The following CSMD1 variants were observed in gnomAD, a reference collection of about 807,000 sequenced individuals.
CSMD1 encodes CUB and Sushi multiple domains 1.
In CSMD1, 213 loss-of-function variants were observed where a neutral mutation model predicts 417.5. The observed-to-expected ratio is 0.51, with a 90% CI of 0.46 to 0.57. CSMD1 has a LOEUF of 0.57. Ranked by LOEUF, CSMD1 falls within the 20% of genes least tolerant of loss-of-function variation. The pLI, the probability that CSMD1 is intolerant of heterozygous loss-of-function variation, is 0.00. For missense variants in CSMD1, 6,923 were observed against 4,529.7 expected (o/e 1.53, Z -15.17); for synonymous variants, 2,862 against 1,736.8 (o/e 1.65, Z -16.11).
At chr8:3,587,047 G>A (rs1355395483) in intron 8 of CSMD1, among the ~76,000 whole-genome samples, 1 of 152,166 alleles carries the variant, frequency 6.6e-6, no homozygotes, top group African/African-American at 2.4e-5. Context: ...TGATTCACCT[G>A]CCTCAGCCTC....
chr8:3,982,784 G>A (rs996129061), intron 5 of CSMD1, among the ~76,000 whole-genome samples: 4 of 152,122 alleles, frequency 2.6e-5, no homozygotes, highest in South Asian at 2.1e-4. Flanking sequence ...GGGCCAGAAC[G>A]AGGGCAAGAA....
intron 5 of CSMD1, among the ~76,000 whole-genome samples, chr8:3,825,889 G>C (rs1047997077): frequency 3.3e-5 from 5 of 152,230 alleles, no homozygotes; most frequent in South Asian, 2.1e-4. Flanking sequence ...AGAAACCAAG[G>C]TATCATGACA....
At chr8:3,094,019 A>T (rs527679356) in intron 47 of CSMD1, among the ~76,000 whole-genome samples, 2 of 152,250 alleles carry the variant, frequency 1.3e-5, no homozygotes, top group African/African-American at 4.8e-5. Context: ...AAATTAATTA[A>T]CCTGAATTTA....
intron 5 of CSMD1, among the ~76,000 whole-genome samples, chr8:3,807,081 C>T (rs1800782754): frequency 6.6e-6 from 1 of 152,186 alleles, no homozygotes; most frequent in Non-Finnish European, 1.5e-5. Context: ...TCCATGGCTT[C>T]CCCCACGCAC....
At chr8:3,378,849 C>T (rs1340540639) in intron 18 of CSMD1, among the ~76,000 whole-genome samples, 3 of 152,148 alleles carry the variant, frequency 2.0e-5, no homozygotes, top group East Asian at 1.9e-4. Context: ...GACAAGGATG[C>T]CCTTTCTCAC....
At chr8:4,358,927 A>G (rs1199109532) in intron 3 of CSMD1, among the ~76,000 whole-genome samples, 1 of 152,104 alleles carries the variant, frequency 6.6e-6, no homozygotes, top group Non-Finnish European at 1.5e-5. Context: ...AAAAAACTGA[A>G]TAATTAGTAC....
At chr8:4,909,622 T>C (rs987763035) in intron 1 of CSMD1, among the ~76,000 whole-genome samples, 16 of 152,084 alleles carry the variant, frequency 1.1e-4, no homozygotes, top group Non-Finnish European at 1.8e-4. Context: ...CTTCATGGGG[T>C]TCCTAGAAGT....
At chr8:3,649,632 A>G (rs1267873504) in intron 7 of CSMD1, among the ~76,000 whole-genome samples, 1 of 152,190 alleles carries the variant, frequency 6.6e-6, no homozygotes, top group African/African-American at 2.4e-5. Flanking sequence ...CATCATGAGA[A>G]CAGCACGGAG....
At chr8:3,687,579 G>A (rs766763873) in intron 7 of CSMD1, among the ~76,000 whole-genome samples, 3 of 152,140 alleles carry the variant, frequency 2.0e-5, no homozygotes, top group Non-Finnish European at 2.9e-5. Context: ...CAGTTTCAAT[G>A]AACTGCTCTT....
chr8:4,905,791 G>T (rs547987756), intron 1 of CSMD1, among the ~76,000 whole-genome samples: 4 of 136,928 alleles, frequency 2.9e-5, no homozygotes, highest in Non-Finnish European at 6.1e-5. Flanking sequence ...CTGCACTCCA[G>T]CCTGGGCCAC....
At chr8:3,074,816 T>A (rs573665947) in intron 49 of CSMD1, among the ~76,000 whole-genome samples, 1 of 152,312 alleles carries the variant, frequency 6.6e-6, no homozygotes, top group South Asian at 2.1e-4. Flanking sequence ...AAGTGTGATA[T>A]CATTCAATTG....
intron 5 of CSMD1, among the ~76,000 whole-genome samples, chr8:3,892,502 G>A (rs922627390): frequency 6.0e-5 from 9 of 150,900 alleles, no homozygotes; most frequent in African/African-American, 2.2e-4. Flanking sequence ...AAGAGACCGT[G>A]CATCCAATCC....
chr8:3,367,165 C>A lies in CSMD1; in HGVS notation c.2982G>T (p.Glu994Asp). ...LLITEDGSFS[E>D]PVARLTGSVL... ...CCGACCCGGTGAGCCTGGCAACGGGCTCGGAAAAACTTCCATCCTCTGTGA... is the reference window on the plus strand; with the variant it reads ...CCGACCCGGTGAGCCTGGCAACGGGATCGGAAAAACTTCCATCCTCTGTGA... Residue 994 changes from glutamate (E) to aspartate (D), a missense_variant, in exon 20 of 70, where the codon GAG becomes GAT. Coordinates refer to ENST00000635120, the MANE Select transcript of CSMD1 (RefSeq NM_033225.6). The A allele has an allele frequency of 1.9e-6, 3 of 1,613,634 alleles. No individual in the cohort carries two copies. The highest frequency in any genetic ancestry group is 2.5e-6 in the Non-Finnish European group (3 of 1,179,754).
intron 10 of CSMD1, among the ~76,000 whole-genome samples, chr8:3,562,417 A>AACACACACGCACACACACGTGCACAT (rs1309600696): frequency 1.4e-5 from 2 of 145,330 alleles, no homozygotes; most frequent in Non-Finnish European, 3.0e-5. Context: ...CACATGCACA[A>AACACACACGCACACACACGTGCACAT]ACACACATGC....
intron 6 of CSMD1, among the ~76,000 whole-genome samples, chr8:3,710,046 T>G (rs1380607257): frequency 4.6e-5 from 7 of 152,024 alleles, no homozygotes; most frequent in Admixed American, 4.6e-4. Flanking sequence ...ACCAGATGCC[T>G]TACCAATAAC....
intron 5 of CSMD1, among the ~76,000 whole-genome samples, chr8:3,893,915 C>G (rs1322041644): frequency 6.6e-6 from 1 of 152,040 alleles, no homozygotes; most frequent in African/African-American, 2.4e-5. Flanking sequence ...AATTCATGAG[C>G]AAGCATGTAC....
intron 49 of CSMD1, among the ~76,000 whole-genome samples, chr8:3,080,853 G>C (rs912919557): frequency 6.6e-6 from 1 of 152,236 alleles, no homozygotes; most frequent in East Asian, 1.9e-4. Flanking sequence ...ACTTTGGAGG[G>C]GGATGGCCCT....
chr8:4,790,042 G>A (rs1238523575), intron 1 of CSMD1, among the ~76,000 whole-genome samples: 1 of 152,184 alleles, frequency 6.6e-6, no homozygotes, highest in African/African-American at 2.4e-5. Flanking sequence ...GATTATGTGT[G>A]AATCTTCAGA....
intron 3 of CSMD1, among the ~76,000 whole-genome samples, chr8:4,049,889 T>C (rs182368895): frequency 1.5e-5 from 2 of 136,658 alleles, no homozygotes. Context: ...AGCTTTTAAG[T>C]AACGTTCGCT....
Sources: allele counts gnomAD v4.1 joint callset (sites outside exome capture counted in the v4.1 genomes callset), GRCh38; gene constraint gnomAD v4.1.1; transcripts MANE v1.5; gene names NCBI Gene and HGNC (gene_info 2026-07-23, HGNC 2026-07-21).